Variants in OR13A1 observed in about 807,000 individuals in gnomAD.
OR13A1 encodes olfactory receptor family 13 subfamily A member 1.
Under a neutral mutation model 7.5 loss-of-function variants are expected in OR13A1, and 10 were observed. That is an observed-to-expected ratio of 1.34 (90% CI 0.83 to 2.27). The LOEUF is 2.27. Among genes scored for constraint, OR13A1 ranks in the 30% most tolerant of loss-of-function variants. OR13A1 has a pLI of 0.00. For synonymous variants in OR13A1, 238 were observed against 177.9 expected (o/e 1.34, Z -2.69); for missense variants, 509 against 419.1 (o/e 1.21, Z -1.87).
chr10:45,310,353 C>A (rs1017563533), intron 1 of OR13A1, among the ~76,000 whole-genome samples: 6 of 152,140 alleles, frequency 3.9e-5, no homozygotes, highest in African/African-American at 1.4e-4. Context: ...GATTTAGGTT[C>A]CTCTCAAATC....
At chr10:45,311,727 T>A (rs1425001211) in intron 1 of OR13A1, among the ~76,000 whole-genome samples, 2 of 151,506 alleles carry the variant, frequency 1.3e-5, no homozygotes, top group East Asian at 3.9e-4. Context: ...AAACAACTAT[T>A]GGGTACTAGG....
chr10:45,305,193 T>C (rs1465260742), intron 3 of OR13A1, among the ~76,000 whole-genome samples: 3 of 151,846 alleles, frequency 2.0e-5, no homozygotes, highest in Non-Finnish European at 4.4e-5. Context: ...GAGACCACGA[T>C]GCTGCACTCT....
intron 1 of OR13A1, among the ~76,000 whole-genome samples, chr10:45,312,396 C>A (rs957290491): frequency 6.6e-6 from 1 of 151,852 alleles, no homozygotes; most frequent in African/African-American, 2.4e-5. Flanking sequence ...AGAATTACAG[C>A]AGAGTTTCTA....
rs373805203 is a variant in OR13A1, at chr10:45,303,803, C to A, written c.620G>T (p.Cys207Phe). Reference sequence around the variant, plus strand: ...GACACCGTTGACGTAGGTGGAGCTGCAGGAGAGAAGCAGCAGGGGAGGGAC... The same window carrying A: ...GACACCGTTGACGTAGGTGGAGCTGAAGGAGAGAAGCAGCAGGGGAGGGAC... ...CEVPPLLLLS[C>F]SSTYVNGVMI... Residue 207 changes from cysteine to phenylalanine, a missense_variant, in exon 4 of 4, where the codon TGC (cysteine) becomes TTC (phenylalanine). Coordinates refer to ENST00000553795, the MANE Select transcript of OR13A1 (RefSeq NM_001004297.3). The A allele has an allele frequency of 1.2e-6, 2 of 1,613,612 alleles. No individual in the cohort carries two copies. The highest frequency in any genetic ancestry group is 1.7e-5 in the Admixed American group (1 of 60,018).
chr10:45,304,174 G>A lies in OR13A1; in HGVS notation c.249C>T (p.Asn83=). The A allele has an allele frequency of 6.2e-7, 1 of 1,614,238 alleles. No homozygotes were observed. The highest frequency in any genetic ancestry group is 8.5e-7 in the Non-Finnish European group (1 of 1,180,044). ...TGCAGATAATGTCCATAGTAGCCAA[G>A]TTGAGTAAGAAAAAGTACATAGGAG... is the stretch of plus-strand genomic sequence containing the variant. ...LHAPMYFFLL[N]LATMDIICTS... The change falls in exon 4 of 4, where the codon AAC becomes AAT. Residue 83 remains asparagine, a synonymous_variant. Transcript: ENST00000553795.
intron 3 of OR13A1, 127 bp from the exon 4 acceptor site, chr10:45,304,561 A>G: frequency 1.3e-6 from 1 of 767,440 alleles, no homozygotes; most frequent in Non-Finnish European, 2.1e-6. Flanking sequence ...CCAATATTAC[A>G]GTAGAAAAAA....
intron 3 of OR13A1, among the ~76,000 whole-genome samples, chr10:45,306,541 G>A (rs1838335089): frequency 6.6e-6 from 1 of 152,034 alleles, no homozygotes; most frequent in Admixed American, 6.6e-5. Flanking sequence ...TTTGGAAGAT[G>A]TCCATTTTAA....
chr10:45,303,893 T>A lies in OR13A1; in HGVS notation c.530A>T (p.His177Leu). The change falls in exon 4 of 4, where the codon CAC becomes CTC. Residue 177 changes from histidine (H) to leucine (L), a missense_variant. Coordinates refer to ENST00000553795, the MANE Select transcript of OR13A1 (RefSeq NM_001004297.3). ...WLLCAVNTAI[H>L]TGLMLRLDFC... ...ATCCAAGCGCAGCATCAGCCCCGTG[T>A]GGATGGCCGTGTTGACGGCGCAGAG... 6.2e-7 allele frequency: 1 copy of A among 1,613,464 alleles called. No individual in the cohort carries two copies. The highest frequency in any genetic ancestry group is 8.5e-7 in the Non-Finnish European group (1 of 1,180,014).
chr10:45,312,683 C>T (rs2133047771), intron 1 of OR13A1, among the ~76,000 whole-genome samples: 1 of 152,096 alleles, frequency 6.6e-6, no homozygotes, highest in East Asian at 1.9e-4. Context: ...AAGAAAGTAA[C>T]TTGTCATGTA....
At chr10:45,302,486 T>C (rs778340672), downstream of OR13A1, 3 of 152,236 alleles carry the variant, frequency 2.0e-5, no homozygotes, top group Non-Finnish European at 4.4e-5. Flanking sequence ...GAATACTGGA[T>C]GAAGAACCAT....
At chr10:45,313,938 C>A (rs1198202538) in intron 1 of OR13A1, among the ~76,000 whole-genome samples, 2 of 146,332 alleles carry the variant, frequency 1.4e-5, no homozygotes, top group Non-Finnish European at 3.0e-5. Flanking sequence ...AACATTCCAC[C>A]CAATAAAATC....
In OR13A1 at chr10:45,304,267, G is replaced by C; in HGVS notation, c.156C>G (p.Leu52=). 11 of 1,614,192 alleles carry C rather than the reference G, an allele frequency of 6.8e-6. No individual in the cohort carries two copies. Among genetic ancestry groups the C allele is most frequent in the Non-Finnish European group, 8.5e-6 (10 of 1,180,032 alleles). Residue 52 remains leucine (L), a synonymous_variant, in exon 4 of 4, where the codon CTC becomes CTG. Transcript: ENST00000553795. ...RVFLFSCFLF[L]YSGALTGNVL... is the part of the protein sequence containing the mutation. ...CATTACCTGTGAGGGCCCCAGAGTA[G>C]AGGAAGAGGAAACAGCTGAATAAGA...
chr10:45,306,063 G>T (rs1473081377), intron 3 of OR13A1, among the ~76,000 whole-genome samples: 1 of 152,212 alleles, frequency 6.6e-6, no homozygotes, highest in South Asian at 2.1e-4. Flanking sequence ...ACAGCAGAAT[G>T]ACTTATATTC....
chr10:45,312,273 C>T (rs1838459842), intron 1 of OR13A1, among the ~76,000 whole-genome samples: 1 of 151,852 alleles, frequency 6.6e-6, no homozygotes, highest in African/African-American at 2.4e-5. Flanking sequence ...ACCCCAAGCA[C>T]AATAAATATG....
At chr10:45,308,960 G>T (rs1010844842) in intron 1 of OR13A1, 1 of 152,212 alleles carries the variant, frequency 6.6e-6, no homozygotes, top group Non-Finnish European at 1.5e-5. Flanking sequence ...ACTAGGGAGA[G>T]CTGTTCACAA....
At chr10:45,311,317 C>A (rs1017866969) in intron 1 of OR13A1, among the ~76,000 whole-genome samples, 6 of 152,118 alleles carry the variant, frequency 3.9e-5, no homozygotes, top group Admixed American at 6.6e-5. Flanking sequence ...AAGAGAAATA[C>A]CATTGTATCA....
rs146028461 is a variant in OR13A1 at position 45,311,093 on chromosome 10, G to A, written c.-224-3285C>T. Among the ~76,000 whole-genome samples, 16 of 152,326 alleles carry A rather than the reference G, an allele frequency of 1.1e-4. 2 individuals carry two copies. Among genetic ancestry groups the A allele is most frequent in the Admixed American group, 2.6e-4 (4 of 15,298 alleles). ...GGAAAAACTTAGGGATCTGGAGAAT[G>A]TCATGAGGAGTCCTGCCTGGGCAAT... On this transcript the variant is annotated intron_variant, in intron 1 of 3. Transcript: ENST00000553795.
intron 3 of OR13A1, among the ~76,000 whole-genome samples, chr10:45,306,510 T>A (rs1443482583): frequency 6.6e-6 from 1 of 151,848 alleles, no homozygotes; most frequent in Non-Finnish European, 1.5e-5. Context: ...ATTTGGAAGA[T>A]GTTTGTTTTA....
chr10:45,304,502 T>A, intron 3 of OR13A1, 68 bp from the exon 4 acceptor site: 1 of 1,329,620 alleles, frequency 7.5e-7, no homozygotes, highest in Non-Finnish European at 1.0e-6. Context: ...CTCACATCAC[T>A]GCATGAAAGA....
Sources: allele counts gnomAD v4.1 joint callset (sites outside exome capture counted in the v4.1 genomes callset), GRCh38; gene constraint gnomAD v4.1.1; transcripts MANE v1.5; gene names NCBI Gene and HGNC (gene_info 2026-07-23, HGNC 2026-07-21).